ILRUN: variants seen among roughly 807,000 people sequenced by gnomAD.
The protein encoded by ILRUN is inflammation and lipid regulator with UBA-like and NBR1-like domains.
A neutral mutation model predicts 33.8 loss-of-function variants in ILRUN; 3 were observed. The observed-to-expected ratio is 0.09, with a 90% confidence interval of 0.04 to 0.23. The LOEUF is 0.23. Among genes scored for constraint, ILRUN ranks in the 10% least tolerant of loss-of-function variants. The pLI, the probability that ILRUN is intolerant of heterozygous loss-of-function variation, is 1.00. For missense variants in ILRUN, 210 were observed against 375.1 expected, an observed-to-expected ratio of 0.56 and a Z score of 3.64; for synonymous variants, 124 against 138.9, an observed-to-expected ratio of 0.89 and a Z score of 0.75.
chr6:34,621,413 T>C (rs1189978873), intron 3 of ILRUN, among the ~76,000 whole-genome samples: 1 of 152,228 alleles, frequency 6.6e-6, no homozygotes, highest in Non-Finnish European at 1.5e-5. Flanking sequence ...GAAACAATTA[T>C]GCAAAATATC....
chr6:34,646,592 C>T lies in ILRUN; in HGVS notation c.511+9G>A, dbSNP rs754649960. 8 of 1,613,414 alleles carry T rather than the reference C, an allele frequency of 5.0e-6. No homozygotes were observed. Among genetic ancestry groups the T allele is most frequent in the Non-Finnish European group, 6.8e-6 (8 of 1,179,590 alleles). On this transcript the variant is annotated intron_variant, in intron 3 of 4. Transcript: ENST00000374023. The surrounding 1 kb of genome is among the most constrained non-coding windows in gnomAD (Gnocchi z 4.9). ...TCCTTTACCCTGGGCTGCACAAGGACATACTCACCTCCATAGTAGAGTCCT... is the reference window on the plus strand; with the variant it reads ...TCCTTTACCCTGGGCTGCACAAGGATATACTCACCTCCATAGTAGAGTCCT...
Position 34,680,983 on chromosome 6 carries a change from A to G in ILRUN, c.158+15463T>C, listed in dbSNP as rs1432675406. Among the ~76,000 whole-genome samples, 6 of 152,224 alleles carry G rather than the reference A, an allele frequency of 3.9e-5. No homozygotes were observed. The East Asian group carries it at 1.2e-3, about 29-fold the overall frequency. On this transcript the variant is annotated intron_variant, in intron 1 of 4. Coordinates refer to ENST00000374023, the MANE Select transcript of ILRUN (RefSeq NM_024294.4). Reference sequence around the variant, plus strand: ...AAATAAGGTAGGGCTTCCCTGTCACAGTTGCATGCAAACCCCAACCCCCAG... The same window carrying G: ...AAATAAGGTAGGGCTTCCCTGTCACGGTTGCATGCAAACCCCAACCCCCAG...
intron 1 of ILRUN, among the ~76,000 whole-genome samples, chr6:34,680,970 G>C (rs1002861716): frequency 6.6e-6 from 1 of 151,814 alleles, no homozygotes; most frequent in African/African-American, 2.4e-5. Context: ...ATAAGGTAGG[G>C]CTTCCCTGTC....
intron 3 of ILRUN, among the ~76,000 whole-genome samples, chr6:34,633,040 A>G (rs538649137): frequency 6.6e-6 from 1 of 152,202 alleles, no homozygotes; most frequent in Non-Finnish European, 1.5e-5. Context: ...ACTACATGCT[A>G]TCTATAAGAA....
At chr6:34,631,468 C>T (rs936935701) in intron 3 of ILRUN, among the ~76,000 whole-genome samples, 2 of 152,052 alleles carry the variant, frequency 1.3e-5, no homozygotes, top group Non-Finnish European at 2.9e-5. Context: ...GCAGGAATTA[C>T]AGGCATGTAC....
intron 4 of ILRUN, among the ~76,000 whole-genome samples, chr6:34,591,698 C>T (rs1201888283): frequency 2.6e-5 from 4 of 152,084 alleles, no homozygotes; most frequent in Non-Finnish European, 4.4e-5. Flanking sequence ...ATCATGTTAG[C>T]CAGGATGGTC....
chr6:34,614,094 A>G (rs1331972405), intron 3 of ILRUN, among the ~76,000 whole-genome samples: 2 of 152,312 alleles, frequency 1.3e-5, no homozygotes, highest in African/African-American at 2.4e-5. Flanking sequence ...TAAATAACAT[A>G]GTTTTAAGTC....
At chr6:34,632,723 C>T (rs1762274193) in intron 3 of ILRUN, among the ~76,000 whole-genome samples, 1 of 151,194 alleles carries the variant, frequency 6.6e-6, no homozygotes, top group Non-Finnish European at 1.5e-5. Context: ...CGGGGTTTCA[C>T]CATGTTAGCC....
intron 1 of ILRUN, among the ~76,000 whole-genome samples, chr6:34,668,669 TC>T (rs1201050969): frequency 1.3e-5 from 2 of 152,080 alleles, no homozygotes; most frequent in African/African-American, 4.8e-5. Flanking sequence ...CTGTGAGAAC[TC>T]TGAAACCTTC....
At chr6:34,692,934 C>T (rs1256660129) in intron 1 of ILRUN, among the ~76,000 whole-genome samples, 1 of 151,896 alleles carries the variant, frequency 6.6e-6, no homozygotes, top group Non-Finnish European at 1.5e-5. Context: ...AAAAATTAGC[C>T]AGTCATGGTG....
intron 3 of ILRUN, among the ~76,000 whole-genome samples, chr6:34,645,240 C>G (rs556367500): frequency 1.4e-4 from 22 of 152,212 alleles, no homozygotes; most frequent in Admixed American, 1.2e-3. Flanking sequence ...TTTTGATCTC[C>G]AGGACACAGG....
At chr6:34,621,298 CA>C (rs1273556129) in intron 3 of ILRUN, among the ~76,000 whole-genome samples, 1 of 152,118 alleles carries the variant, frequency 6.6e-6, no homozygotes, top group Admixed American at 6.5e-5. Context: ...TGTTGATGAA[CA>C]AAAGGATTCC....
At chr6:34,602,046 G>A (rs1761520423) in intron 4 of ILRUN, among the ~76,000 whole-genome samples, 1 of 152,172 alleles carries the variant, frequency 6.6e-6, no homozygotes, top group Non-Finnish European at 1.5e-5. Flanking sequence ...TTTGATGGAA[G>A]TAATAACAGT....
chr6:34,685,436 C>T (rs1286841437), intron 1 of ILRUN: 1 of 152,144 alleles, frequency 6.6e-6, no homozygotes, highest in Non-Finnish European at 1.5e-5. Flanking sequence ...TTTTGACCTG[C>T]TCCATTTCTG....
At chr6:34,610,496 C>T (rs1002378787) in intron 3 of ILRUN, among the ~76,000 whole-genome samples, 2 of 152,226 alleles carry the variant, frequency 1.3e-5, no homozygotes, top group East Asian at 3.8e-4. Context: ...TCTTACAATA[C>T]AGGCTGAGTA....
At chr6:34,597,564 C>T (rs1761426512) in intron 4 of ILRUN, among the ~76,000 whole-genome samples, 1 of 152,206 alleles carries the variant, frequency 6.6e-6, no homozygotes, top group African/African-American at 2.4e-5. Flanking sequence ...CATCATCTCC[C>T]CTGTGTGTCT....
chr6:34,642,036 A>G (rs1762484536), intron 3 of ILRUN, among the ~76,000 whole-genome samples: 1 of 152,216 alleles, frequency 6.6e-6, no homozygotes, highest in Admixed American at 6.5e-5. Context: ...CCTCACTATG[A>G]ATTTTGCTAA....
At chr6:34,615,327 G>A (rs1761862744) in intron 3 of ILRUN, among the ~76,000 whole-genome samples, 1 of 152,182 alleles carries the variant, frequency 6.6e-6, no homozygotes, top group African/African-American at 2.4e-5. Flanking sequence ...CAGGCATGGT[G>A]GCTCACACCT....
intron 4 of ILRUN, among the ~76,000 whole-genome samples, chr6:34,596,909 A>T (rs892643256): frequency 6.6e-6 from 1 of 152,008 alleles, no homozygotes; most frequent in Non-Finnish European, 1.5e-5. Context: ...CTGTTGAGGA[A>T]CTTCTCATCT....
Sources: allele counts gnomAD v4.1 joint callset (sites outside exome capture counted in the v4.1 genomes callset), GRCh38; gene constraint gnomAD v4.1.1; non-coding constraint Gnocchi (gnomAD v3.1); transcripts MANE v1.5; gene names NCBI Gene and HGNC (gene_info 2026-07-23, HGNC 2026-07-21).